The following PPFIA4 variants were observed in gnomAD, a reference collection of about 807,000 sequenced individuals.
PPFIA4 encodes PPFI scaffold protein A4, also known as liprin-alpha-4.
PPFIA4 carries 98 observed loss-of-function variants against 145.7 expected under a neutral mutation model. The observed-to-expected ratio is 0.67, with a 90% CI of 0.57 to 0.80. PPFIA4 has a LOEUF of 0.80. Among genes scored for constraint, PPFIA4 ranks in the 30% least tolerant of loss-of-function variants. The pLI is 0.00. For synonymous variants in PPFIA4, 628 were observed against 649.6 expected, an observed-to-expected ratio of 0.97 and a Z score of 0.51; for missense variants, 1,457 against 1,632.7, an observed-to-expected ratio of 0.89 and a Z score of 1.85.
rs1288091063 is a variant in PPFIA4, at chr1:203,063,865, G to A, written c.2912G>A (p.Gly971Glu). 4 of 1,613,942 alleles carry A rather than the reference G, an allele frequency of 2.5e-6. No homozygotes were observed. The highest frequency in any genetic ancestry group is 3.4e-6 in the Non-Finnish European group (4 of 1,179,924). The change falls in exon 25 of 30, where the codon GGG becomes GAG. Residue 971 changes from glycine to glutamate, a missense_variant. Around this residue, in one of 3 missense-constraint regions of PPFIA4, gnomAD observed 848 missense variants for 1,046.7 expected, o/e 0.81. Coordinates refer to ENST00000295706, the MANE Select transcript of PPFIA4 (RefSeq NM_001304331.2). ...AYGDMNHEWIGNEWLPSLGLP... is the reference protein window; with the variant it reads ...AYGDMNHEWIENEWLPSLGLP... ...GGGGACATGAACCATGAGTGGATTGGGAATGAATGGCTACCCAGCCTGGGG... is the reference window on the plus strand; with the variant it reads ...GGGGACATGAACCATGAGTGGATTGAGAATGAATGGCTACCCAGCCTGGGG...
In PPFIA4 at chr1:203,043,996, G is replaced by A. The variant is rs550232626; in HGVS notation, c.402G>A (p.Val134=). 5.3e-5 allele frequency: 85 copies of A among 1,612,564 alleles called. 1 individual carries two copies. The highest frequency in any genetic ancestry group is 1.1e-4 in the South Asian group (10 of 91,042). ...AACGGTCACTGCGGATGACTGTGGTGAAGCGCCAGGCCCAGTCACCTTCGG... is the reference window on the plus strand; with the variant it reads ...AACGGTCACTGCGGATGACTGTGGTAAAGCGCCAGGCCCAGTCACCTTCGG... ...RHERSLRMTV[V]KRQAQSPSGV... is the part of the protein sequence containing the mutation. Residue 134 remains valine, a synonymous_variant, in exon 4 of 30, where the codon GTG becomes GTA. Transcript: ENST00000295706. This position sits in a 1 kb window ranked among gnomAD's most constrained non-coding sequence, Gnocchi z 4.4.
rs1661380204 is a variant in PPFIA4 at position 203,061,774 on chromosome 1, C to T, written c.2874+96C>T. ...CCGCAGCAGGAATCTCTGAGTCCTT[C>T]ATATGAAAAGCCCTGGACATAGGTT... On this transcript the variant is annotated intron_variant, in intron 24 of 29. Transcript: ENST00000295706. 6.1e-6 allele frequency: 8 copies of T among 1,319,966 alleles called. No homozygotes were observed. In the South Asian group the frequency reaches 1.2e-4, roughly 19 times the overall value. The allele number at this position is 1,319,966 out of a possible 1,614,324, so 81.8% of individuals were successfully genotyped here.
Position 203,059,763 on chromosome 1 carries a change from C to T in PPFIA4, c.2502-7C>T, listed in dbSNP as rs1305875786. Reference sequence around the variant, plus strand: ...ACTAGTGAGTCTGTTGTTCCTCTTCCTATAAGACACCAGCTGCTTGAAGAT... The same window carrying T: ...ACTAGTGAGTCTGTTGTTCCTCTTCTTATAAGACACCAGCTGCTTGAAGAT... On this transcript the variant is annotated splice_region_variant and splice_polypyrimidine_tract_variant and intron_variant, in intron 20 of 29. Coordinates refer to ENST00000295706, the MANE Select transcript of PPFIA4 (RefSeq NM_001304331.2). The T allele has an allele frequency of 4.3e-6, 7 of 1,612,250 alleles. No homozygotes were observed. Among genetic ancestry groups the T allele is most frequent in the Non-Finnish European group, 5.9e-6 (7 of 1,178,856 alleles).
At position 203,055,549 on chromosome 1, in the gene PPFIA4, C is replaced by A. The variant is rs367876850; in HGVS notation, c.1947C>A (p.Ile649=). 1.2e-6 allele frequency: 2 copies of A among 1,613,922 alleles called. No individual in the cohort carries two copies. The highest frequency in any genetic ancestry group is 1.7e-6 in the Non-Finnish European group (2 of 1,179,906). Residue 649 remains isoleucine (I), a synonymous_variant, in exon 16 of 30, where the codon ATC becomes ATA. Coordinates refer to ENST00000295706, the MANE Select transcript of PPFIA4 (RefSeq NM_001304331.2). The surrounding 1 kb of genome is among the most constrained non-coding windows in gnomAD (Gnocchi z 4.8). The stretch of plus-strand genomic sequence containing the variant: ...AGCAGCTGCGCAAGCGTGGTTCCAT[C>A]CCCACCTCTCTGACGGCCCTGTCCC... The part of the protein sequence containing the change: ...NLKQLRKRGS[I]PTSLTALSLA...
chr1:203,056,281 C>A (rs113049290), intron 17 of PPFIA4, 94 bp from the exon 18 acceptor site: 1 of 1,597,960 alleles, frequency 6.3e-7, no homozygotes, highest in Non-Finnish European at 8.5e-7. Context: ...GGCCTCCCCA[C>A]TGCATTTCTC....
rs1169326156 is a variant in PPFIA4, at chr1:203,044,063, C to G, written c.469C>G (p.Leu157Val). The G allele has an allele frequency of 3.7e-6, 6 of 1,608,464 alleles. No homozygotes were observed. Among genetic ancestry groups the G allele is most frequent in the Non-Finnish European group, 5.1e-6 (6 of 1,177,888 alleles). ...GGAGGTGCTGAAGGCCCTCAAGTCA[C>G]TGTTTGAGCACCACAAGGCCCTGGA... ...EVEVLKALKS[L>V]FEHHKALDEK... Residue 157 changes from leucine (L) to valine (V), a missense_variant, in exon 4 of 30, where the codon CTG becomes GTG. Physicochemically the swap from Leu to Val is conservative, Grantham distance 32 (BLOSUM62 1). This residue lies in a region of PPFIA4 where 463 missense variants were observed against 459.8 expected (regional missense o/e 1.01). Coordinates refer to ENST00000295706, the MANE Select transcript of PPFIA4 (RefSeq NM_001304331.2).
chr1:203,055,521 T>C lies in PPFIA4; in HGVS notation c.1919T>C (p.Leu640Pro), dbSNP rs1275126230. 1 of 1,613,968 alleles carries C rather than the reference T, an allele frequency of 6.2e-7. No individual in the cohort carries two copies. Among genetic ancestry groups the C allele is most frequent in the Non-Finnish European group, 8.5e-7 (1 of 1,179,878 alleles). ...VTSGSMEALN[L>P]KQLRKRGSIP... ...AGTGGCAGCATGGAAGCCCTAAACC[T>C]GAAGCAGCTGCGCAAGCGTGGTTCC... The change falls in exon 16 of 30, where the codon CTG becomes CCG. Residue 640 changes from leucine (L) to proline (P), a missense_variant. Physicochemically the swap from Leu to Pro is moderately conservative, Grantham distance 98 (BLOSUM62 -3). Coordinates refer to ENST00000295706, the MANE Select transcript of PPFIA4 (RefSeq NM_001304331.2). This position sits in a 1 kb window ranked among gnomAD's most constrained non-coding sequence, Gnocchi z 4.8.
intron 24 of PPFIA4, among the ~76,000 whole-genome samples, chr1:203,062,181 A>G (rs531509884): frequency 1.3e-5 from 2 of 152,258 alleles, no homozygotes; most frequent in East Asian, 3.9e-4. Context: ...CAATAGGGAT[A>G]AAAAAGACAG....
In PPFIA4 at chr1:203,043,558, G is replaced by A; in HGVS notation, c.336+60G>A. 1 of 1,459,262 alleles carries A rather than the reference G, an allele frequency of 6.9e-7. No homozygotes were observed. 90.4% of individuals were successfully genotyped at this position (1,459,262 alleles called of 1,614,324 possible). A position where few individuals can be genotyped will look rare whatever the true frequency, so the allele number is the denominator to read the frequency against. ...CGTGTGTGTGTGTGTGTATGGGGGT[G>A]TGTTGTGAACACCTTGACCAAGAGA... On this transcript the variant is annotated intron_variant, in intron 3 of 29. Coordinates refer to ENST00000295706, the MANE Select transcript of PPFIA4 (RefSeq NM_001304331.2). The surrounding 1 kb of genome is among the most constrained non-coding windows in gnomAD (Gnocchi z 4.4).
rs1571718721 is a variant in PPFIA4, at chr1:203,059,802, G to A, written c.2534G>A (p.Gly845Glu). The change falls in exon 21 of 30, where the codon GGA (glycine) becomes GAA (glutamate). Residue 845 changes from glycine (G) to glutamate (E), a missense_variant. Physicochemically the swap from Gly to Glu is moderately conservative, Grantham distance 98 (BLOSUM62 -2). This residue lies in a region of PPFIA4 where 848 missense variants were observed against 1,046.7 expected (regional missense o/e 0.81). Transcript: ENST00000295706. ...CTGCTTGAAGATGCCCGCAGGAAAG[G>A]AATGCCCTTTGCCCAGTGGGATGGT... The part of the protein sequence containing the change: ...HQLLEDARRK[G>E]MPFAQWDGPT... 2 of 1,613,636 alleles carry A rather than the reference G, an allele frequency of 1.2e-6. No homozygotes were observed. The highest frequency in any genetic ancestry group is 2.2e-5 in the South Asian group (2 of 90,908).
In PPFIA4 at chr1:203,039,063, G is replaced by T. The variant is rs867577355; in HGVS notation, c.55G>T (p.Gly19Cys). The change falls in exon 2 of 30, where the codon GGC becomes TGC. Residue 19 changes from glycine to cysteine, a missense_variant. Gly to Cys is a radical substitution (Grantham distance 159). This residue lies in a region of PPFIA4 where 463 missense variants were observed against 459.8 expected (regional missense o/e 1.01). Transcript: ENST00000295706. ...GGGGGACCGCCTGGGTCCCCCTCAT[G>T]GCGCCGATGCTGACGCCAACTTCGA... ...NEGDRLGPPHGADADANFEQL... is the reference protein window; with the variant it reads ...NEGDRLGPPHCADADANFEQL... The T allele has an allele frequency of 6.2e-7, 1 of 1,602,286 alleles. No homozygotes were observed. The highest frequency in any genetic ancestry group is 8.5e-7 in the Non-Finnish European group (1 of 1,174,978).
intron 4 of PPFIA4, 85 bp from the exon 5 acceptor site, chr1:203,044,294 G>T: frequency 7.4e-7 from 1 of 1,343,082 alleles, no homozygotes; most frequent in Non-Finnish European, 1.0e-6. Context: ...CTCATGCTCA[G>T]TGGTGGTAGA....
At chr1:203,056,178 G>A in intron 17 of PPFIA4, 23 bp downstream of exon 17, 1 of 1,613,850 alleles carries the variant, frequency 6.2e-7, no homozygotes, top group Non-Finnish European at 8.5e-7. Context: ...TGATGGCCCA[G>A]GTACTAACGG....
intron 1 of PPFIA4, among the ~76,000 whole-genome samples, chr1:203,035,811 G>GAC (rs1350807477): frequency 2.0e-5 from 3 of 150,408 alleles, no homozygotes; most frequent in Non-Finnish European, 4.4e-5. Flanking sequence ...GTAGCAGAGA[G>GAC]GACAGGGGCA....
In PPFIA4 at chr1:203,055,168, G is replaced by T. The variant is rs542588360; in HGVS notation, c.1830-264G>T. Reference sequence around the variant, plus strand: ...ACTCAAGGCCACCCTATAGTTAGGGGTATGTCAAGAATTCTGATTTTCAGG... The same window carrying T: ...ACTCAAGGCCACCCTATAGTTAGGGTTATGTCAAGAATTCTGATTTTCAGG... On this transcript the variant is annotated intron_variant, in intron 15 of 29. Transcript: ENST00000295706. The surrounding 1 kb of genome is among the most constrained non-coding windows in gnomAD (Gnocchi z 4.8). Among the ~76,000 whole-genome samples, 4 of 152,234 alleles carry T rather than the reference G, an allele frequency of 2.6e-5. No homozygotes were observed. The highest frequency in any genetic ancestry group is 4.1e-4 in the South Asian group (2 of 4,828).
rs199576554 is a variant in PPFIA4 at position 203,055,716 on chromosome 1, C to T, written c.2070+44C>T. ...GCAGGCCTGGCATCACTGGACCCTG[C>T]ACCGGGGGAGGTTTTAAGGGATGGT... On this transcript the variant is annotated intron_variant, in intron 16 of 29. Coordinates refer to ENST00000295706, the MANE Select transcript of PPFIA4 (RefSeq NM_001304331.2). This position sits in a 1 kb window ranked among gnomAD's most constrained non-coding sequence, Gnocchi z 4.8. The T allele has an allele frequency of 1.3e-3, 2,111 of 1,606,906 alleles. 1 individual carries two copies. Among genetic ancestry groups the T allele is most frequent in the Non-Finnish European group, 1.6e-3 (1,822 of 1,174,730 alleles).
chr1:203,046,636 G>A (rs1414311534), intron 9 of PPFIA4: 3 of 377,390 alleles, frequency 7.9e-6, no homozygotes, highest in Non-Finnish European at 1.4e-5. Flanking sequence ...AAGAAGCTAT[G>A]TTGATGCAAA....
chr1:203,031,964 G>C (rs761628790), intron 1 of PPFIA4, among the ~76,000 whole-genome samples: 15 of 151,984 alleles, frequency 9.9e-5, no homozygotes, highest in Non-Finnish European at 1.8e-4. Context: ...TGTGGAAAAT[G>C]GTTGGCTCCT....
chr1:203,035,014 A>G (rs1265272643), intron 1 of PPFIA4, among the ~76,000 whole-genome samples: 1 of 152,236 alleles, frequency 6.6e-6, no homozygotes, highest in Non-Finnish European at 1.5e-5. Context: ...AAAATAAATT[A>G]ATCCATACCA....
Sources: allele counts gnomAD v4.1 joint callset (sites outside exome capture counted in the v4.1 genomes callset), GRCh38; gene constraint gnomAD v4.1.1; regional missense constraint gnomAD v4.1.1; non-coding constraint Gnocchi (gnomAD v3.1); transcripts MANE v1.5; gene names NCBI Gene and HGNC (gene_info 2026-07-23, HGNC 2026-07-21).